ASH2L: variants seen among roughly 807,000 people sequenced by gnomAD.
The protein encoded by ASH2L is set1/Ash2 histone methyltransferase complex subunit ASH2.
A neutral mutation model predicts 81.1 loss-of-function variants in ASH2L; 30 were observed. The ratio of observed to expected loss-of-function variants is 0.37; its 90% confidence interval spans 0.28 to 0.50. ASH2L has a LOEUF of 0.50. ASH2L is among the 20% of genes least tolerant of loss of function. The pLI is 0.95. For synonymous variants in ASH2L, 273 were observed against 279.9 expected (o/e 0.98, Z 0.24); for missense variants, 559 against 792.1 (o/e 0.71, Z 3.53).
chr8:38,133,019 G>A (rs930764171), intron 12 of ASH2L, among the ~76,000 whole-genome samples: 4 of 151,818 alleles, frequency 2.6e-5, no homozygotes, highest in African/African-American at 4.8e-5. Flanking sequence ...CCCGGGAGGC[G>A]GAGGTTGCAG....
intron 3 of ASH2L, among the ~76,000 whole-genome samples, chr8:38,109,922 A>T (rs946140598): frequency 2.0e-5 from 3 of 152,224 alleles, no homozygotes; most frequent in African/African-American, 7.2e-5. Flanking sequence ...TAGATGCTGA[A>T]TTGTCCAGTA....
At chr8:38,130,000 C>T (rs187126812) in intron 12 of ASH2L, among the ~76,000 whole-genome samples, 32 of 152,236 alleles carry the variant, frequency 2.1e-4, no homozygotes, top group African/African-American at 7.2e-4. Context: ...AACTCTTTTC[C>T]TACCATATAT....
chr8:38,128,466 G>T lies in ASH2L; in HGVS notation c.1333+8G>T, dbSNP rs755114461. The T allele has an allele frequency of 3.1e-6, 5 of 1,613,036 alleles. No homozygotes were observed. The highest frequency in any genetic ancestry group is 4.2e-6 in the Non-Finnish European group (5 of 1,179,680). On this transcript the variant is annotated splice_region_variant and intron_variant, in intron 11 of 15. Transcript: ENST00000343823. ...GTTGGTCCCAGCCCCTAGGTAAGCT[G>T]GGGCCTTAATATGGACATCACAGCA...
In ASH2L at chr8:38,138,928, G is replaced by C. The variant is rs199688807; in HGVS notation, c.1780-36G>C. ...TGTCCTCAGCATCTCCGTGGCTGCTGTAGTCACCGTGTTCTGTTTCTCATT... is the reference window on the plus strand; with the variant it reads ...TGTCCTCAGCATCTCCGTGGCTGCTCTAGTCACCGTGTTCTGTTTCTCATT... On this transcript the variant is annotated intron_variant, in intron 15 of 15. Coordinates refer to ENST00000343823, the MANE Select transcript of ASH2L (RefSeq NM_004674.5). 3 of 1,613,714 alleles carry C rather than the reference G, an allele frequency of 1.9e-6. No individual in the cohort carries two copies. In the African/African-American group the frequency reaches 4.0e-5, roughly 22 times the overall value.
At chr8:38,105,977 C>A in intron 1 of ASH2L, 4 of 1,529,240 alleles carry the variant, frequency 2.6e-6, no homozygotes, top group Non-Finnish European at 8.7e-7. Context: ...ATCCTTGCAC[C>A]CTGGCAGGAA....
intron 3 of ASH2L, among the ~76,000 whole-genome samples, chr8:38,108,932 A>G (rs1810569732): frequency 6.6e-6 from 1 of 152,172 alleles, no homozygotes; most frequent in South Asian, 2.1e-4. Flanking sequence ...ATAGAAAAAA[A>G]TTAGCTGGGC....
chr8:38,111,053 G>A (rs541030985), intron 5 of ASH2L, among the ~76,000 whole-genome samples: 90 of 152,130 alleles, frequency 5.9e-4, no homozygotes, highest in South Asian at 1.2e-3. Context: ...TCCTGCCTCC[G>A]CTTCCCGAGT....
intron 10 of ASH2L, among the ~76,000 whole-genome samples, chr8:38,125,866 T>C (rs978602389): frequency 6.6e-6 from 1 of 152,136 alleles, no homozygotes; most frequent in Non-Finnish European, 1.5e-5. Context: ...CATTACCTCA[T>C]TGGAGTTCCT....
rs755492013 is a variant in ASH2L at position 38,105,981 on chromosome 8, G to A, written c.188+243G>A. The stretch of plus-strand genomic sequence containing the variant: ...CGTTATCTCTGATCCTTGCACCCTG[G>A]CAGGAAGCTGGTAGCTCACACTTTA... On this transcript the variant is annotated intron_variant, in intron 1 of 15. Transcript: ENST00000343823. 3.9e-4 allele frequency: 591 copies of A among 1,529,770 alleles called. 1 individual carries two copies. The highest frequency in any genetic ancestry group is 4.8e-4 in the Non-Finnish European group (554 of 1,143,948). 94.8% of individuals were successfully genotyped at this position (1,529,770 alleles called of 1,614,324 possible).
intron 1 of ASH2L, 33 bp downstream of exon 1, chr8:38,105,771 G>A (rs1325147285): frequency 6.7e-7 from 1 of 1,500,978 alleles, no homozygotes; most frequent in Non-Finnish European, 8.9e-7. Flanking sequence ...GAAGACGCGG[G>A]AGGGAGGCCC....
At chr8:38,105,780 C>T (rs1810394099) in intron 1 of ASH2L, 42 bp downstream of exon 1, 14 of 1,497,456 alleles carry the variant, frequency 9.3e-6, no homozygotes, top group Non-Finnish European at 1.2e-5. Flanking sequence ...GGAGGGAGGC[C>T]CGCCCCTCGC....
At position 38,128,709 on chromosome 8, in the gene ASH2L, A is replaced by T. The variant is rs1801949392; in HGVS notation, c.1334-49A>T. The T allele has an allele frequency of 1.9e-6, 3 of 1,574,868 alleles. No homozygotes were observed. The Admixed American group carries it at 6.4e-5, about 34-fold the overall frequency. Reference sequence around the variant, plus strand: ...GGATCTTTTTCCTTCAGCAAACTAGATTTGACTTGCAATCTTCTGACTTCC... The same window carrying T: ...GGATCTTTTTCCTTCAGCAAACTAGTTTTGACTTGCAATCTTCTGACTTCC... On this transcript the variant is annotated intron_variant, in intron 11 of 15. Coordinates refer to ENST00000343823, the MANE Select transcript of ASH2L (RefSeq NM_004674.5).
chr8:38,124,037 C>T (rs1429176958), intron 10 of ASH2L: 1 of 151,750 alleles, frequency 6.6e-6, no homozygotes. Flanking sequence ...GATGGGGTTT[C>T]GTCATGTTGG....
chr8:38,135,486 T>A (rs182227674), intron 13 of ASH2L, among the ~76,000 whole-genome samples, 182 bp from the exon 14 acceptor site: 2 of 152,228 alleles, frequency 1.3e-5, no homozygotes, highest in Non-Finnish European at 2.9e-5. Context: ...CATATTAACA[T>A]GCTTTGAAAA....
Position 38,114,887 on chromosome 8 carries a change from A to G in ASH2L, c.682-18A>G. 6.7e-7 allele frequency: 1 copy of G among 1,503,328 alleles called. No homozygotes were observed. The highest frequency in any genetic ancestry group is 1.7e-4 in the Middle Eastern group (1 of 5,776). The allele number at this position is 1,503,328 out of a possible 1,614,324, so 93.1% of individuals were successfully genotyped here. A position where few individuals can be genotyped will look rare whatever the true frequency, so the allele number is the denominator to read the frequency against. On this transcript the variant is annotated intron_variant, in intron 6 of 15. Transcript: ENST00000343823. ...AGTATAAAATGTTCATTAATAGTAA[A>G]ACACTACTTCTTTTTAGAGTAAAGA...
At position 38,139,146 on chromosome 8, in the gene ASH2L, A is replaced by C. The variant is rs1283036449; in HGVS notation, c.*75A>C. The C allele has an allele frequency of 1.7e-6, 2 of 1,174,004 alleles. No individual in the cohort carries two copies. Among genetic ancestry groups the C allele is most frequent in the Non-Finnish European group, 2.4e-6 (2 of 844,252 alleles). 72.7% of individuals were successfully genotyped at this position (1,174,004 alleles called of 1,614,324 possible). A position where few individuals can be genotyped will look rare whatever the true frequency, so the allele number is the denominator to read the frequency against. ...TTTGTTTTTGTTTTTGAACTGTCTC[A>C]AATGTTCTCCCAAAGATGCTAAAAA... On this transcript the variant is annotated 3_prime_UTR_variant, in exon 16 of 16. Coordinates refer to ENST00000343823, the MANE Select transcript of ASH2L (RefSeq NM_004674.5).
intron 8 of ASH2L, chr8:38,119,040 T>C: frequency 2.4e-6 from 1 of 424,014 alleles, no homozygotes; most frequent in Non-Finnish European, 4.2e-6. Context: ...AACCCAACCA[T>C]CATAGTGCTG....
intron 12 of ASH2L, among the ~76,000 whole-genome samples, chr8:38,132,134 A>C (rs1802086145): frequency 6.6e-6 from 1 of 152,168 alleles, no homozygotes; most frequent in African/African-American, 2.4e-5. Flanking sequence ...AGCGTGAGCC[A>C]CTGCGCTCGG....
chr8:38,115,265 C>T (rs1184110248), intron 7 of ASH2L, among the ~76,000 whole-genome samples: 3 of 152,176 alleles, frequency 2.0e-5, no homozygotes, highest in East Asian at 1.9e-4. Context: ...TTAGTTTCCT[C>T]GCTTGTAACA....
Sources: gnomAD v4.1 joint callset for allele counts (sites outside exome capture counted in the v4.1 genomes callset) on GRCh38, gnomAD v4.1.1 for gene constraint, MANE v1.5 for transcripts, NCBI Gene and HGNC (gene_info 2026-07-23, HGNC 2026-07-21) for gene names.